ADAMTS13: variants seen among roughly 807,000 people sequenced by gnomAD.
ADAMTS13 encodes the protein A disintegrin and metalloproteinase with thrombospondin motifs 13.
In ADAMTS13, 110 loss-of-function variants were observed where a neutral mutation model predicts 155.1. The observed-to-expected ratio is 0.71, with a 90% CI of 0.61 to 0.83. The LOEUF (loss-of-function observed/expected upper bound fraction) is 0.83, where lower values mean the gene tolerates loss of function less well. Ranked by LOEUF, ADAMTS13 falls within the 40% of genes least tolerant of loss-of-function variation. ADAMTS13 has a pLI of 0.00. For missense variants in ADAMTS13, 1,707 were observed against 1,891.7 expected (o/e 0.90, Z 1.81); for synonymous variants, 758 against 756.4 (o/e 1.00, Z -0.03).
chr9:133,414,634 G>C, exon 1 of ADAMTS13: 1 of 1,601,400 alleles, frequency 6.2e-7, no homozygotes, highest in South Asian at 1.1e-5. Context: ...GCTGTGCCTC[G>C]GTTCTCAGTG....
rs587726711 is a variant in ADAMTS13 at position 133,446,302 on chromosome 9, G to A, written c.2731+483G>A. Among the ~76,000 whole-genome samples the A allele has an allele frequency of 7.9e-5, 12 of 152,166 alleles. No individual in the cohort carries two copies. The East Asian group carries it at 9.6e-4, about 12-fold the overall frequency. Reference sequence around the variant, plus strand: ...ACCTCTCCAGAACTTTTCCAGTTTCGCAAACTGGAGCTCTGTCCCTGTGAA... The same window carrying A: ...ACCTCTCCAGAACTTTTCCAGTTTCACAAACTGGAGCTCTGTCCCTGTGAA... On this transcript the variant is annotated intron_variant, in intron 21 of 28. Coordinates refer to ENST00000355699, the MANE Select transcript of ADAMTS13 (RefSeq NM_139027.6).
At position 133,443,489 on chromosome 9, in the gene ADAMTS13, C is replaced by A; in HGVS notation, c.2348C>A (p.Ala783Asp). The change falls in exon 19 of 29, where the codon GCC (alanine) becomes GAC (aspartate). Residue 783 changes from alanine (A) to aspartate (D), a missense_variant. Physicochemically the swap from Ala to Asp is moderately radical, Grantham distance 126 (BLOSUM62 -2). Coordinates refer to ENST00000355699, the MANE Select transcript of ADAMTS13 (RefSeq NM_139027.6). ...QGSLLKTLPP[A>D]RCRAGAQQPA... ...AGCCTCCTGAAGACATTGCCCCCAGCCCGGTGCAGAGCAGGGGCCCAGCAG... is the reference window on the plus strand; with the variant it reads ...AGCCTCCTGAAGACATTGCCCCCAGACCGGTGCAGAGCAGGGGCCCAGCAG... The A allele has an allele frequency of 6.3e-7, 1 of 1,588,298 alleles. No homozygotes were observed. The highest frequency in any genetic ancestry group is 1.7e-5 in the Admixed American group (1 of 58,548).
At position 133,433,421 on chromosome 9, in the gene ADAMTS13, C is replaced by G; in HGVS notation, c.1136C>G (p.Pro379Arg). The G allele has an allele frequency of 1.2e-6, 2 of 1,613,212 alleles. No individual in the cohort carries two copies. The highest frequency in any genetic ancestry group is 1.3e-5 in the African/African-American group (1 of 74,956). Reference sequence around the variant, plus strand: ...TGCCGCTCCCTGGTGGAGCTGACCCCCATAGCAGCAGTGCATGGGCGCTGG... The same window carrying G: ...TGCCGCTCCCTGGTGGAGCTGACCCGCATAGCAGCAGTGCATGGGCGCTGG... ...GRCRSLVELT[P>R]IAAVHGRWSS... Residue 379 changes from proline (P) to arginine (R), a missense_variant, in exon 10 of 29, where the codon CCC (proline) becomes CGC (arginine). Coordinates refer to ENST00000355699, the MANE Select transcript of ADAMTS13 (RefSeq NM_139027.6).
chr9:133,416,060 A>C (rs1554781504), intron 1 of ADAMTS13, among the ~76,000 whole-genome samples: 1 of 152,144 alleles, frequency 6.6e-6, no homozygotes, highest in Admixed American at 6.5e-5. Context: ...TAAAGAAAAA[A>C]CGTTTATGTA....
chr9:133,420,049 C>G (rs188682986), upstream of ADAMTS13, among the ~76,000 whole-genome samples: 3 of 152,326 alleles, frequency 2.0e-5, no homozygotes, highest in African/African-American at 7.2e-5. Flanking sequence ...GGATTACAGG[C>G]ATGTGCCACC....
intron 21 of ADAMTS13, among the ~76,000 whole-genome samples, chr9:133,446,511 T>C (rs1419492462): frequency 1.3e-5 from 2 of 152,266 alleles, no homozygotes; most frequent in African/African-American, 2.4e-5. Context: ...TGTGAGTGTT[T>C]CCTTCTTAAG....
rs587602874 is a variant in ADAMTS13 at position 133,436,861 on chromosome 9, G to C, written c.1341G>C (p.Ser447=). 6.3e-7 allele frequency: 1 copy of C among 1,586,156 alleles called. No individual in the cohort carries two copies. The highest frequency in any genetic ancestry group is 8.6e-7 in the Non-Finnish European group (1 of 1,168,360). The change falls in exon 12 of 29, where the codon TCG becomes TCC. Residue 447 remains serine, a synonymous_variant. Coordinates refer to ENST00000355699, the MANE Select transcript of ADAMTS13 (RefSeq NM_139027.6). ...AGAAGACCCAGCTGGAGTTCATGTC[G>C]CAACAGTGCGCCAGGACCGACGGCC... The part of the protein sequence containing the change: ...ACEKTQLEFM[S]QQCARTDGQP...
At chr9:133,437,578 A>G (rs1354653059) in intron 12 of ADAMTS13, among the ~76,000 whole-genome samples, 171 bp from the exon 13 acceptor site, 1 of 152,168 alleles carries the variant, frequency 6.6e-6, no homozygotes, top group Non-Finnish European at 1.5e-5. Context: ...ATTCAATACC[A>G]TTAATTATTA....
chr9:133,442,177 CCCAG>C (rs1471442224), intron 16 of ADAMTS13, among the ~76,000 whole-genome samples: 3 of 152,090 alleles, frequency 2.0e-5, no homozygotes, highest in Admixed American at 2.0e-4. Context: ...TGCTATGTTG[CCCAG>C]GCTGCTCTGA....
chr9:133,458,270 T>G (rs951793998), intron 28 of ADAMTS13, among the ~76,000 whole-genome samples, 176 bp downstream of exon 28: 1 of 152,116 alleles, frequency 6.6e-6, no homozygotes, highest in African/African-American at 2.4e-5. Flanking sequence ...TTGAGCTACC[T>G]ACAAGAGTGA....
At chr9:133,433,890 G>A (rs983031330) in intron 11 of ADAMTS13, among the ~76,000 whole-genome samples, 186 bp downstream of exon 11, 2 of 152,092 alleles carry the variant, frequency 1.3e-5, no homozygotes, top group Non-Finnish European at 1.5e-5. Context: ...GAGGTCAGGG[G>A]TTCAAGACCA....
chr9:133,429,725 C>G, intron 7 of ADAMTS13: 1 of 728,072 alleles, frequency 1.4e-6, no homozygotes, highest in Non-Finnish European at 2.4e-6. Flanking sequence ...GCCGCTCCCT[C>G]TGCTGGCCAC....
At position 133,456,514 on chromosome 9, in the gene ADAMTS13, T is replaced by A; in HGVS notation, c.3548-29T>A. The A allele has an allele frequency of 6.2e-7, 1 of 1,610,316 alleles. No individual in the cohort carries two copies. The highest frequency in any genetic ancestry group is 8.5e-7 in the Non-Finnish European group (1 of 1,179,016). ...CTCTGCTGACCAGGCGTGGGAGTGC[T>A]GGACCCTCACTGCCCTGCCGCTTCC... is the stretch of plus-strand genomic sequence containing the variant. On this transcript the variant is annotated intron_variant, in intron 26 of 28. Coordinates refer to ENST00000355699, the MANE Select transcript of ADAMTS13 (RefSeq NM_139027.6). The surrounding 1 kb of genome is among the most constrained non-coding windows in gnomAD (Gnocchi z 4.4).
At position 133,440,519 on chromosome 9, in the gene ADAMTS13, C is replaced by T; in HGVS notation, c.1962C>T (p.Asp654=). The change falls in exon 16 of 29, where the codon GAC becomes GAT. Residue 654 remains aspartate, a synonymous_variant. Coordinates refer to ENST00000355699, the MANE Select transcript of ADAMTS13 (RefSeq NM_139027.6). This position sits in a 1 kb window ranked among gnomAD's most constrained non-coding sequence, Gnocchi z 4.3. ...RIWGPLQEDA[D]IQVYRRYGEE... ...GGGGACCCCTCCAGGAAGATGCTGA[C>T]ATCCAGGTCAGCAGGAGAGCCTGGG... 1.9e-6 allele frequency: 3 copies of T among 1,602,944 alleles called. No individual in the cohort carries two copies. In the South Asian group the frequency reaches 3.3e-5, roughly 18 times the overall value.
At position 133,448,694 on chromosome 9, in the gene ADAMTS13, C is replaced by T. The variant is rs149265456; in HGVS notation, c.2827C>T (p.Arg943Trp). 96 of 1,604,402 alleles carry T rather than the reference C, an allele frequency of 6.0e-5. No homozygotes were observed. Among genetic ancestry groups the T allele is most frequent in the South Asian group, 8.8e-5 (8 of 90,998 alleles). The change falls in exon 22 of 29, where the codon CGG (arginine) becomes TGG (tryptophan). Residue 943 changes from arginine to tryptophan, a missense_variant. By Grantham distance (101) the Arg-to-Trp change is moderately radical. This residue lies in a region of ADAMTS13 where 961 missense variants were observed against 1,107.9 expected (regional missense o/e 0.87). Coordinates refer to ENST00000355699, the MANE Select transcript of ADAMTS13 (RefSeq NM_139027.6). ...CCTGGCAAGCAAGCCTGGGAGCCGG[C>T]GGGAGGTCTGCCAGGCTGTCCCGTG... ...CGLASKPGSR[R>W]EVCQAVPCPA...
chr9:133,420,952 G>T (rs1229423248), upstream of ADAMTS13, among the ~76,000 whole-genome samples: 1 of 152,222 alleles, frequency 6.6e-6, no homozygotes, highest in Non-Finnish European at 1.5e-5. Context: ...GTCAAGGGAA[G>T]GTTGTTGATT....
At chr9:133,457,725 T>G (rs1414977110) in intron 27 of ADAMTS13, among the ~76,000 whole-genome samples, 185 bp from the exon 28 acceptor site, 1 of 152,222 alleles carries the variant, frequency 6.6e-6, no homozygotes, top group Admixed American at 6.5e-5. Flanking sequence ...CCCAGAACAT[T>G]TAGCCTTTGC....
At chr9:133,417,913 G>C (rs587626367), upstream of ADAMTS13, 2,544 of 1,458,896 alleles carry the variant, frequency 1.7e-3, no homozygotes, top group Non-Finnish European at 2.1e-3. Context: ...CGGCGCCCTG[G>C]CAGCACAAGC....
chr9:133,444,405 T>C (rs1841916222), intron 19 of ADAMTS13, among the ~76,000 whole-genome samples: 1 of 152,100 alleles, frequency 6.6e-6, no homozygotes, highest in Admixed American at 6.6e-5. Flanking sequence ...CAGGCTGGTA[T>C]GCAGTGGCAT....
Sources: gnomAD v4.1 joint callset for allele counts (sites outside exome capture counted in the v4.1 genomes callset) on GRCh38, gnomAD v4.1.1 for gene constraint, gnomAD v4.1.1 regional missense constraint, Gnocchi (gnomAD v3.1) non-coding constraint, MANE v1.5 for transcripts, NCBI Gene and HGNC (gene_info 2026-07-23, HGNC 2026-07-21) for gene names.